CNOT2: variants seen among roughly 807,000 people sequenced by gnomAD.
CNOT2 encodes the protein CCR4-NOT transcription complex subunit 2.
In CNOT2, 7 loss-of-function variants were observed where a neutral mutation model predicts 72.1. That is an observed-to-expected ratio of 0.10 (90% CI 0.06 to 0.18). CNOT2 has a LOEUF of 0.18. CNOT2 is among the 10% of genes least tolerant of loss of function. The pLI is 1.00. For synonymous variants in CNOT2, 196 were observed against 225.6 expected, an observed-to-expected ratio of 0.87 and a Z score of 1.17; for missense variants, 345 against 660.3, an observed-to-expected ratio of 0.52 and a Z score of 5.23.
intron 1 of CNOT2, among the ~76,000 whole-genome samples, chr12:70,260,812 G>T (rs1335240084): frequency 6.7e-6 from 1 of 149,840 alleles, no homozygotes; most frequent in Non-Finnish European, 1.5e-5. Context: ...TCTGCAATTA[G>T]AGGTAGTTTC....
At chr12:70,335,691 TAG>T in intron 8 of CNOT2, 128 bp downstream of exon 8, 1 of 627,978 alleles carries the variant, frequency 1.6e-6, no homozygotes, top group Non-Finnish European at 2.6e-6. Context: ...CTAATCAGGT[TAG>T]TGTAATTTTT....
At chr12:70,277,802 A>G (rs1377251090) in intron 1 of CNOT2, among the ~76,000 whole-genome samples, 1 of 152,148 alleles carries the variant, frequency 6.6e-6, no homozygotes, top group African/African-American at 2.4e-5. Flanking sequence ...TTCATGTAAA[A>G]GAAAAAAATA....
rs1014375223 is a variant in CNOT2, at chr12:70,354,579, G to A, written c.*664G>A. 5 of 152,540 alleles carry A rather than the reference G, an allele frequency of 3.3e-5. No individual in the cohort carries two copies. Among genetic ancestry groups the A allele is most frequent in the Non-Finnish European group, 5.9e-5 (4 of 68,020 alleles). 9.4% of individuals were successfully genotyped at this position (152,540 alleles called of 1,614,324 possible). On this transcript the variant is annotated 3_prime_UTR_variant, in exon 16 of 16. Coordinates refer to ENST00000229195, the MANE Select transcript of CNOT2 (RefSeq NM_014515.7). ...CAAAACACTGTCCAGTCTTTGTTAC[G>A]ATTTTGTAATAAATGTGTACATTTT...
intron 2 of CNOT2, among the ~76,000 whole-genome samples, chr12:70,287,043 C>A (rs912001942): frequency 6.6e-6 from 1 of 151,674 alleles, no homozygotes; most frequent in African/African-American, 2.4e-5. Flanking sequence ...TATAATTTAT[C>A]TGTAGGCTTT....
intron 1 of CNOT2, among the ~76,000 whole-genome samples, chr12:70,257,898 C>T (rs955213098): frequency 1.3e-5 from 2 of 152,116 alleles, no homozygotes; most frequent in African/African-American, 4.8e-5. Flanking sequence ...TTTTTTCTTA[C>T]AGCAAAGCTG....
rs1356272313 is a variant in CNOT2, at chr12:70,342,181, A to G, written c.1240+13A>G. ...CCTCAAGACATAGGTAGGAGAATCTATTTGTGTTTAGACCTTTTAAAAAGA... is the reference window on the plus strand; with the variant it reads ...CCTCAAGACATAGGTAGGAGAATCTGTTTGTGTTTAGACCTTTTAAAAAGA... On this transcript the variant is annotated intron_variant, in intron 12 of 15. Transcript: ENST00000229195. 3.1e-6 allele frequency: 5 copies of G among 1,611,662 alleles called. No homozygotes were observed. The highest frequency in any genetic ancestry group is 2.2e-5 in the South Asian group (2 of 91,044).
Position 70,342,089 on chromosome 12 carries a change from C to G in CNOT2, c.1179-18C>G. On this transcript the variant is annotated intron_variant, in intron 11 of 15. Coordinates refer to ENST00000229195, the MANE Select transcript of CNOT2 (RefSeq NM_014515.7). ...CTTTTTCTGGATTTCAAAATGTTTTCTTTTCCTCCTTATTCAGAAATCTCT... is the reference window on the plus strand; with the variant it reads ...CTTTTTCTGGATTTCAAAATGTTTTGTTTTCCTCCTTATTCAGAAATCTCT... 1 of 1,485,868 alleles carries G rather than the reference C, an allele frequency of 6.7e-7. No individual in the cohort carries two copies. Among genetic ancestry groups the G allele is most frequent in the Non-Finnish European group, 9.4e-7 (1 of 1,063,714 alleles). The allele number at this position is 1,485,868 out of a possible 1,614,324, so 92.0% of individuals were successfully genotyped here.
At position 70,338,551 on chromosome 12, in the gene CNOT2, G is replaced by A. The variant is rs1188347404; in HGVS notation, c.1009G>A (p.Val337Met). 1 of 1,610,926 alleles carries A rather than the reference G, an allele frequency of 6.2e-7. No individual in the cohort carries two copies. The highest frequency in any genetic ancestry group is 8.5e-7 in the Non-Finnish European group (1 of 1,179,008). ...NNNQQKKGIQ[V>M]LPDGRVTNIP... ...TAACCAGCAGAAAAAAGGGATCCAG[G>A]TGTTACCTGATGGTGGGACTCTAGA... Residue 337 changes from valine (V) to methionine (M), a missense_variant, in exon 10 of 16, where the codon GTG becomes ATG. Coordinates refer to ENST00000229195, the MANE Select transcript of CNOT2 (RefSeq NM_014515.7).
intron 3 of CNOT2, among the ~76,000 whole-genome samples, chr12:70,315,178 G>A (rs897879024): frequency 1.3e-5 from 2 of 151,804 alleles, no homozygotes. Flanking sequence ...TCTTTTTAAT[G>A]TATTACCTTC....
chr12:70,313,358 G>A (rs911724314), intron 3 of CNOT2, among the ~76,000 whole-genome samples: 2 of 151,788 alleles, frequency 1.3e-5, no homozygotes, highest in Admixed American at 6.6e-5. Flanking sequence ...TGTAGTATAC[G>A]TATATTTGTC....
intron 2 of CNOT2, among the ~76,000 whole-genome samples, chr12:70,304,586 C>T (rs910978681): frequency 3.3e-5 from 5 of 152,118 alleles, no homozygotes; most frequent in South Asian, 2.1e-4. Flanking sequence ...AGTATCTGGC[C>T]GTGTGGGGTG....
chr12:70,341,698 G>T (rs1401616998), intron 11 of CNOT2, among the ~76,000 whole-genome samples: 1 of 151,980 alleles, frequency 6.6e-6, no homozygotes, highest in African/African-American at 2.4e-5. Context: ...TTAAACTTTT[G>T]CAAATAGTTA....
intron 1 of CNOT2, among the ~76,000 whole-genome samples, chr12:70,274,588 T>C (rs1379019081): frequency 1.3e-5 from 2 of 152,034 alleles, no homozygotes; most frequent in Non-Finnish European, 2.9e-5. Flanking sequence ...TATTGAGTAA[T>C]GAAGTGGGAT....
intron 14 of CNOT2, 25 bp downstream of exon 14, chr12:70,344,253 T>C (rs766898705): frequency 7.0e-7 from 1 of 1,420,244 alleles, no homozygotes; most frequent in South Asian, 1.2e-5. Context: ...TTTTAATCAC[T>C]TTTGTATTAT....
At chr12:70,243,086 C>T (rs1423216271), upstream of CNOT2, 1 of 152,366 alleles carries the variant, frequency 6.6e-6, no homozygotes, top group Admixed American at 6.5e-5. Context: ...CCCTGGACCC[C>T]GCAGTCCCCC....
At chr12:70,321,231 C>T (rs1435625873) in intron 4 of CNOT2, among the ~76,000 whole-genome samples, 1 of 151,768 alleles carries the variant, frequency 6.6e-6, no homozygotes, top group African/African-American at 2.4e-5. Context: ...CTTAGATCAA[C>T]TGGAACTGTA....
At chr12:70,259,965 G>A (rs547645058) in intron 1 of CNOT2, among the ~76,000 whole-genome samples, 145 of 152,240 alleles carry the variant, frequency 9.5e-4, no homozygotes, top group African/African-American at 3.4e-3. Context: ...TCTCTAAAAT[G>A]AGCTGACTGT....
chr12:70,305,094 G>A (rs563778237), intron 2 of CNOT2, among the ~76,000 whole-genome samples: 2 of 152,334 alleles, frequency 1.3e-5, no homozygotes, highest in African/African-American at 4.8e-5. Context: ...CTAGGAAAGG[G>A]AATTCCCTGA....
chr12:70,303,392 G>C (rs141763082), intron 2 of CNOT2, among the ~76,000 whole-genome samples: 6,868 of 152,214 alleles, frequency 0.045, 665 homozygotes, highest in East Asian at 0.44. Context: ...TCCTTCATGA[G>C]CTATTTTAGG....
Sources: gnomAD v4.1 joint callset for allele counts (sites outside exome capture counted in the v4.1 genomes callset) on GRCh38, gnomAD v4.1.1 for gene constraint, MANE v1.5 for transcripts, NCBI Gene and HGNC (gene_info 2026-07-23, HGNC 2026-07-21) for gene names.